Variants in ERVW-1 observed in about 807,000 individuals in gnomAD.
The protein encoded by ERVW-1 is syncytin-1.
In ERVW-1, 21 loss-of-function variants were observed where a neutral mutation model predicts 16.6. The ratio of observed to expected loss-of-function variants is 1.26; its 90% CI spans 0.90 to 1.82. ERVW-1 has a LOEUF of 1.82. Ranked by LOEUF, ERVW-1 falls within the 40% of genes most tolerant of loss-of-function variation. ERVW-1 has a pLI of 0.00. For synonymous variants in ERVW-1, 161 were observed against 109.8 expected (o/e 1.47, Z -2.92); for missense variants, 412 against 300.2 (o/e 1.37, Z -2.75).
intron 1 of ERVW-1, chr7:92,472,084 C>A (rs1364455228): frequency 1.3e-5 from 2 of 152,194 alleles, no homozygotes; most frequent in East Asian, 3.8e-4. Context: ...GTCAAAGGAA[C>A]CTCTAAAAGG....
In ERVW-1 at chr7:92,468,708, T is replaced by TC. The variant is rs1474947045; in HGVS notation, c.*56dup. The TC allele has an allele frequency of 1.5e-6, 1 of 668,514 alleles. No individual in the cohort carries two copies. Among genetic ancestry groups the TC allele is most frequent in the East Asian group, 2.5e-5 (1 of 40,388 alleles). The allele number at this position is 668,514 out of a possible 1,614,324, so 41.4% of individuals were successfully genotyped here. A position where few individuals can be genotyped will look rare whatever the true frequency, so the allele number is the denominator to read the frequency against. ...AAATCCAGCTAGTCCTGTCTCTCAGTCCCCCATCTCAACAGGAAAACCTAA... is the reference window on the plus strand; with the variant it reads ...AAATCCAGCTAGTCCTGTCTCTCAGTCCCCCCATCTCAACAGGAAAACCTAA... On this transcript the variant is annotated 3_prime_UTR_variant, in exon 2 of 2. Coordinates refer to ENST00000603053, the MANE Select transcript of ERVW-1 (RefSeq NM_001130925.2).
At chr7:92,473,695 T>C (rs937015938) in intron 1 of ERVW-1, among the ~76,000 whole-genome samples, 23 of 151,750 alleles carry the variant, frequency 1.5e-4, no homozygotes, top group African/African-American at 5.6e-4. Context: ...GAGAAGTATC[T>C]AGTGACTGCC....
chr7:92,474,153 T>G (rs1052249546), intron 1 of ERVW-1, among the ~76,000 whole-genome samples: 1 of 152,102 alleles, frequency 6.6e-6, no homozygotes, highest in African/African-American at 2.4e-5. Context: ...GGCCTTTTTT[T>G]TAATCCCGTT....
rs150474766 is a variant in ERVW-1, at chr7:92,470,240, C to T, written c.142G>A (p.Asp48Asn). ...GAAAGACTCCTATACGATGGGGCAT[C>T]AATATTTCCGGGACGCTGCATTCTC... Reference protein sequence around the residue: ...LWRMQRPGNIDAPSYRSLSKG... With the variant: ...LWRMQRPGNINAPSYRSLSKG... Residue 48 changes from aspartate (D) to asparagine (N), a missense_variant, in exon 2 of 2, where the codon GAT (aspartate) becomes AAT (asparagine). Coordinates refer to ENST00000603053, the MANE Select transcript of ERVW-1 (RefSeq NM_001130925.2). 6.0e-5 allele frequency: 47 copies of T among 778,592 alleles called. No individual in the cohort carries two copies. The highest frequency in any genetic ancestry group is 5.4e-4 in the African/African-American group (32 of 59,116). The allele number at this position is 778,592 out of a possible 1,614,324, so 48.2% of individuals were successfully genotyped here.
chr7:92,474,160 C>T (rs9718472), intron 1 of ERVW-1, among the ~76,000 whole-genome samples: 6 of 151,804 alleles, frequency 4.0e-5, no homozygotes, highest in Admixed American at 6.6e-5. Context: ...TTTTTAATCC[C>T]GTTTGTCCTG....
rs1259217870 is a variant in ERVW-1, at chr7:92,468,851, C to T, written c.1531G>A (p.Asp511Asn). 1 of 764,308 alleles carries T rather than the reference C, an allele frequency of 1.3e-6. No homozygotes were observed. The highest frequency in any genetic ancestry group is 2.4e-5 in the East Asian group (1 of 41,252). 47.3% of individuals were successfully genotyped at this position (764,308 alleles called of 1,614,324 possible). A position where few individuals can be genotyped will look rare whatever the true frequency, so the allele number is the denominator to read the frequency against. The change falls in exon 2 of 2, where the codon GAT becomes AAT. Residue 511 changes from aspartate to asparagine, a missense_variant. Asp to Asn is a conservative substitution (Grantham distance 23, BLOSUM62 1). Transcript: ENST00000603053. ...GGGGTGCCTTTGATGTCATTAACAT[C>T]AGATCGTGGGCTAGCAGGCCGGTCC... ...PLDRPASPRSDVNDIKGTPPE... is the reference protein window; with the variant it reads ...PLDRPASPRSNVNDIKGTPPE...
At chr7:92,472,686 C>T (rs1325573447) in intron 1 of ERVW-1, 2 of 152,220 alleles carry the variant, frequency 1.3e-5, no homozygotes, top group African/African-American at 4.8e-5. Flanking sequence ...AATCCATTTT[C>T]GGCAGAAACC....
chr7:92,468,860 G>GACC lies in ERVW-1; in HGVS notation c.1521_1522insGGT (p.Ser507_Pro508insGly). 1.3e-6 allele frequency: 1 copy of GACC among 764,402 alleles called. No individual in the cohort carries two copies. Among genetic ancestry groups the GACC allele is most frequent in the Non-Finnish European group, 2.4e-6 (1 of 417,856 alleles). 47.4% of individuals were successfully genotyped at this position (764,402 alleles called of 1,614,324 possible). A position where few individuals can be genotyped will look rare whatever the true frequency, so the allele number is the denominator to read the frequency against. On this transcript the variant is annotated inframe_insertion, in exon 2 of 2. Transcript: ENST00000603053. ...TTGATGTCATTAACATCAGATCGTG[G>GACC]GCTAGCAGGCCGGTCCAGGGGTCTG...
At chr7:92,471,072 C>G (rs1016228252) in intron 1 of ERVW-1, 8 of 166,984 alleles carry the variant, frequency 4.8e-5, no homozygotes, top group African/African-American at 1.9e-4. Flanking sequence ...ACTCTGTAAG[C>G]CTCGGGGAAG....
chr7:92,469,964 G>A lies in ERVW-1; in HGVS notation c.418C>T (p.His140Tyr). The A allele has an allele frequency of 1.3e-6, 1 of 777,224 alleles. No homozygotes were observed. Among genetic ancestry groups the A allele is most frequent in the Non-Finnish European group, 2.4e-6 (1 of 417,052 alleles). The allele number at this position is 777,224 out of a possible 1,614,324, so 48.1% of individuals were successfully genotyped here. Residue 140 changes from histidine to tyrosine, a missense_variant, in exon 2 of 2, where the codon CAT (histidine) becomes TAT (tyrosine). Physicochemically the swap from His to Tyr is moderately conservative, Grantham distance 83 (BLOSUM62 2). Transcript: ENST00000603053. ...CCTTTGTAGGGGCTAGAGGTGCCAT[G>A]TACCCGGGTGAGTTGGGAGATTACT... ...KEVISQLTRVHGTSSPYKGLD... is the reference protein window; with the variant it reads ...KEVISQLTRVYGTSSPYKGLD...
chr7:92,470,467 G>A lies in ERVW-1; in HGVS notation c.-86C>T, dbSNP rs1426859367. 2 of 607,260 alleles carry A rather than the reference G, an allele frequency of 3.3e-6. No homozygotes were observed. Among genetic ancestry groups the A allele is most frequent in the Non-Finnish European group, 5.9e-6 (2 of 336,868 alleles). 37.6% of individuals were successfully genotyped at this position (607,260 alleles called of 1,614,324 possible). ...CTCTAGAGGTTCACAGGAATAGCTA[G>A]CGTTGTCTCCTGGATTTTCAGGTTC... On this transcript the variant is annotated 5_prime_UTR_variant, in exon 2 of 2. Transcript: ENST00000603053.
Position 92,470,204 on chromosome 7 carries a change from G to A in ERVW-1, c.178C>T (p.Pro60Ser), listed in dbSNP as rs1790284020. 1.3e-6 allele frequency: 1 copy of A among 778,468 alleles called. No homozygotes were observed. The highest frequency in any genetic ancestry group is 1.3e-5 in the South Asian group (1 of 74,486). The allele number at this position is 778,468 out of a possible 1,614,324, so 48.2% of individuals were successfully genotyped here. ...ATATGGGTGTGGGCAGTGAAGGTGGGGGTTCCCTTAGAAAGACTCCTATAC... is the reference window on the plus strand; with the variant it reads ...ATATGGGTGTGGGCAGTGAAGGTGGAGGTTCCCTTAGAAAGACTCCTATAC... ...PSYRSLSKGT[P>S]TFTAHTHMPR... Residue 60 changes from proline (P) to serine (S), a missense_variant, in exon 2 of 2, where the codon CCC becomes TCC. Physicochemically the swap from Pro to Ser is moderately conservative, Grantham distance 74. Coordinates refer to ENST00000603053, the MANE Select transcript of ERVW-1 (RefSeq NM_001130925.2).
rs191798317 is a variant in ERVW-1, at chr7:92,477,782, G to C, written c.-628C>G. The C allele has an allele frequency of 5.5e-6, 1 of 181,878 alleles. No homozygotes were observed. Among genetic ancestry groups the C allele is most frequent in the Non-Finnish European group, 1.1e-5 (1 of 91,310 alleles). 11.3% of individuals were successfully genotyped at this position (181,878 alleles called of 1,614,324 possible). ...AGGATCCAGAGGGATGGGAGTCAGC[G>C]GCAGGTCTGCGGTGGTGGCAAACAG... On this transcript the variant is annotated 5_prime_UTR_variant, in exon 1 of 2. Transcript: ENST00000603053.
chr7:92,476,858 C>T (rs773289202), intron 1 of ERVW-1, among the ~76,000 whole-genome samples: 13 of 152,214 alleles, frequency 8.5e-5, no homozygotes, highest in East Asian at 1.9e-4. Context: ...TGCCTAAGGA[C>T]GCAGCGCAGA....
At chr7:92,473,399 G>C (rs761299118) in intron 1 of ERVW-1, among the ~76,000 whole-genome samples, 2 of 152,028 alleles carry the variant, frequency 1.3e-5, no homozygotes, top group Non-Finnish European at 2.9e-5. Flanking sequence ...TGGGTCTGAG[G>C]GGGTACTGCC....
rs1197210413 is a variant in ERVW-1, at chr7:92,469,777, A to G, written c.605T>C (p.Val202Ala). ...LNFRPYVSIP[V>A]PEQWNNFSTE... is the part of the protein sequence containing the mutation. ...GCTGAAGTTGTTCCATTGTTCAGGT[A>G]CAGGGATTGAAACATATGGCCTGAA... Residue 202 changes from valine (V) to alanine (A), a missense_variant, in exon 2 of 2, where the codon GTA (valine) becomes GCA (alanine). Val to Ala is a moderately conservative substitution (Grantham distance 64, BLOSUM62 0). Transcript: ENST00000603053. 2 of 764,772 alleles carry G rather than the reference A, an allele frequency of 2.6e-6. No homozygotes were observed. The highest frequency in any genetic ancestry group is 4.8e-6 in the Non-Finnish European group (2 of 417,406). 47.4% of individuals were successfully genotyped at this position (764,772 alleles called of 1,614,324 possible). A position where few individuals can be genotyped will look rare whatever the true frequency, so the allele number is the denominator to read the frequency against.
chr7:92,476,807 G>T (rs1189607461), intron 1 of ERVW-1, among the ~76,000 whole-genome samples: 5 of 152,132 alleles, frequency 3.3e-5, no homozygotes, highest in Non-Finnish European at 5.9e-5. Context: ...CCTAAATTGG[G>T]AGGGACACCA....
chr7:92,473,008 CA>C (rs1790406837), intron 1 of ERVW-1: 1 of 152,166 alleles, frequency 6.6e-6, no homozygotes, highest in African/African-American at 2.4e-5. Context: ...AATGCCTGGC[CA>C]AATAGATGGG....
chr7:92,470,574 T>C lies in ERVW-1; in HGVS notation c.-193A>G. On this transcript the variant is annotated 5_prime_UTR_variant, in exon 2 of 2. Transcript: ENST00000603053. Reference sequence around the variant, plus strand: ...CCACTTTAACCGCAGTTGGGGTAGATAAAATGACTGGGTAGGGTCCTTCCC... The same window carrying C: ...CCACTTTAACCGCAGTTGGGGTAGACAAAATGACTGGGTAGGGTCCTTCCC... 1.9e-6 allele frequency: 1 copy of C among 520,664 alleles called. No homozygotes were observed. The highest frequency in any genetic ancestry group is 3.4e-6 in the Non-Finnish European group (1 of 291,756). 32.3% of individuals were successfully genotyped at this position (520,664 alleles called of 1,614,324 possible). A position where few individuals can be genotyped will look rare whatever the true frequency, so the allele number is the denominator to read the frequency against.
Sources: allele counts gnomAD v4.1 joint callset (sites outside exome capture counted in the v4.1 genomes callset), GRCh38; gene constraint gnomAD v4.1.1; transcripts MANE v1.5; gene names NCBI Gene and HGNC (gene_info 2026-07-23, HGNC 2026-07-21).